The following MYNN variants were observed in gnomAD, a reference collection of about 807,000 sequenced individuals.
MYNN encodes the protein myoneurin.
MYNN carries 22 observed loss-of-function variants against 57.2 expected under a neutral mutation model. That is an observed-to-expected ratio of 0.38 (90% CI 0.27 to 0.55). MYNN has a LOEUF of 0.55. Among genes scored for constraint, MYNN ranks in the 20% least tolerant of loss-of-function variants. MYNN has a pLI of 0.71. For synonymous variants in MYNN, 241 were observed against 257.1 expected (o/e 0.94, Z 0.60); for missense variants, 566 against 723.1 (o/e 0.78, Z 2.49).
rs775131902 is a variant in MYNN, at chr3:169,784,690, A to G, written c.1552A>G (p.Lys518Glu). The change falls in exon 7 of 8, where the codon AAA (lysine) becomes GAA (glutamate). Residue 518 changes from lysine to glutamate, a missense_variant. Physicochemically the swap from Lys to Glu is moderately conservative, Grantham distance 56. This residue lies in a region of MYNN where 156 missense variants were observed against 163.9 expected (regional missense o/e 0.95). Coordinates refer to ENST00000349841, the MANE Select transcript of MYNN (RefSeq NM_018657.5). ...AGATATTAAAAATTTAAAGAAGCAC[A>G]AAACAAAAGTCCATTCTGGTAAATG... ...YTDIKNLKKH[K>E]TKVHSGADKT... is the part of the protein sequence containing the mutation. 77 of 1,576,910 alleles carry G rather than the reference A, an allele frequency of 4.9e-5. 2 individuals are homozygous for G. The Admixed American group carries it at 1.4e-3, about 28-fold the overall frequency.
At chr3:169,778,495 A>C (rs1778413898) in intron 2 of MYNN, 1 of 278,670 alleles carries the variant, frequency 3.6e-6, no homozygotes, top group South Asian at 7.8e-5. Flanking sequence ...TTTAAAAAAA[A>C]AGCCAGAAAA....
At position 169,779,418 on chromosome 3, in the gene MYNN, CAT is replaced by C. The variant is rs1362503404; in HGVS notation, c.918_919del (p.Cys307TrpfsTer18). 5 of 1,614,034 alleles carry C rather than the reference CAT, an allele frequency of 3.1e-6. No individual in the cohort carries two copies. The highest frequency in any genetic ancestry group is 1.7e-5 in the Admixed American group (1 of 60,008). On this transcript the variant is annotated frameshift_variant, in exon 3 of 8. Transcript: ENST00000349841. LOFTEE classifies it high-confidence loss of function. Reference sequence around the variant, plus strand: ...TCCAAGGCCAAGCCAATGTGTAACACATGTGGGAAAGTGTTTTCAGAAGCCAG... The same window carrying C: ...TCCAAGGCCAAGCCAATGTGTAACACGTGGGAAAGTGTTTTCAGAAGCCAG...
chr3:169,773,514 G>A (rs1778236500), intron 1 of MYNN, 52 bp downstream of exon 1: 1 of 152,610 alleles, frequency 6.6e-6, no homozygotes, highest in Non-Finnish European at 1.5e-5. Flanking sequence ...CTAGAGCCTG[G>A]GCCATCAGAG....
chr3:169,786,903 C>T lies in MYNN; in HGVS notation c.*225C>T. ...TTTTTAAGTAATGAATTATGTAGCA[C>T]TATTTTGGGTGGATGAGTTTTATTT... is the stretch of plus-strand genomic sequence containing the variant. On this transcript the variant is annotated 3_prime_UTR_variant, in exon 8 of 8. Transcript: ENST00000349841. The T allele has an allele frequency of 2.1e-6, 1 of 465,444 alleles. No individual in the cohort carries two copies. The highest frequency in any genetic ancestry group is 3.3e-5 in the East Asian group (1 of 30,318). 28.8% of individuals were successfully genotyped at this position (465,444 alleles called of 1,614,324 possible). A position where few individuals can be genotyped will look rare whatever the true frequency, so the allele number is the denominator to read the frequency against.
Position 169,783,555 on chromosome 3 carries a change from A to G in MYNN, c.1478A>G (p.His493Arg). Residue 493 changes from histidine (H) to arginine (R), a missense_variant, in exon 6 of 8, where the codon CAT (histidine) becomes CGT (arginine). Transcript: ENST00000349841. ...GAGCTCAACAAACACTTTCGGTCCC[A>G]TACAGGTCTGTGTTTAGGGAGAACG... is the stretch of plus-strand genomic sequence containing the variant. ...SGELNKHFRS[H>R]TGERPFICEL... 1 of 1,605,666 alleles carries G rather than the reference A, an allele frequency of 6.2e-7. No individual in the cohort carries two copies. The highest frequency in any genetic ancestry group is 8.5e-7 in the Non-Finnish European group (1 of 1,173,308).
Position 169,782,668 on chromosome 3 carries a change from TTAAAA to T in MYNN, c.1399+30_1399+34del. 1.9e-6 allele frequency: 3 copies of T among 1,592,430 alleles called. No homozygotes were observed. The highest frequency in any genetic ancestry group is 2.6e-6 in the Non-Finnish European group (3 of 1,171,824). ...GGTAAGTTTGACAGGGAGAGACTGC[TTAAAA>T]TAAAGTTATAAATAAAAGAAAAAGG... is the stretch of plus-strand genomic sequence containing the variant. On this transcript the variant is annotated intron_variant, in intron 5 of 7. Transcript: ENST00000349841. The surrounding 1 kb of genome is among the most constrained non-coding windows in gnomAD (Gnocchi z 4.8).
At position 169,779,424 on chromosome 3, in the gene MYNN, G is replaced by C. The variant is rs760153992; in HGVS notation, c.923G>C (p.Gly308Ala). The change falls in exon 3 of 8, where the codon GGG becomes GCG. Residue 308 changes from glycine (G) to alanine (A), a missense_variant. This residue lies in a region of MYNN where 123 missense variants were observed against 222.6 expected (regional missense o/e 0.55). Coordinates refer to ENST00000349841, the MANE Select transcript of MYNN (RefSeq NM_018657.5). ...SKAKPMCNTC[G>A]KVFSEASSLR... Reference sequence around the variant, plus strand: ...GCCAAGCCAATGTGTAACACATGTGGGAAAGTGTTTTCAGAAGCCAGCAGT... The same window carrying C: ...GCCAAGCCAATGTGTAACACATGTGCGAAAGTGTTTTCAGAAGCCAGCAGT... 3.1e-6 allele frequency: 5 copies of C among 1,614,148 alleles called. No individual in the cohort carries two copies. The highest frequency in any genetic ancestry group is 4.2e-6 in the Non-Finnish European group (5 of 1,180,022).
chr3:169,779,464 G>A lies in MYNN; in HGVS notation c.963G>A (p.Met321Ile). 2 of 1,614,210 alleles carry A rather than the reference G, an allele frequency of 1.2e-6. No individual in the cohort carries two copies. Among genetic ancestry groups the A allele is most frequent in the Non-Finnish European group, 1.7e-6 (2 of 1,180,046 alleles). ...AAGCCAGCAGTTTGAGAAGGCACATGAGAATACATAAAGGAGTCAAACCTT... is the reference window on the plus strand; with the variant it reads ...AAGCCAGCAGTTTGAGAAGGCACATAAGAATACATAAAGGAGTCAAACCTT... ...FSEASSLRRH[M>I]RIHKGVKPYV... Residue 321 changes from methionine (M) to isoleucine (I), a missense_variant, in exon 3 of 8, where the codon ATG becomes ATA. Physicochemically the swap from Met to Ile is conservative, Grantham distance 10. This residue lies in a region of MYNN where 123 missense variants were observed against 222.6 expected (regional missense o/e 0.55). Coordinates refer to ENST00000349841, the MANE Select transcript of MYNN (RefSeq NM_018657.5).
intron 2 of MYNN, 175 bp from the exon 3 acceptor site, chr3:169,778,593 T>C: frequency 3.8e-6 from 2 of 520,100 alleles, no homozygotes; most frequent in Non-Finnish European, 6.5e-6. Flanking sequence ...AAATTGGAGA[T>C]TTTTTACCTA....
At chr3:169,778,041 C>CAGCATA (rs1778397995) in intron 2 of MYNN, 1 of 152,854 alleles carries the variant, frequency 6.5e-6, no homozygotes, top group Non-Finnish European at 1.5e-5. Context: ...CCAGCCTGGG[C>CAGCATA]AGCATAGCAA....
In MYNN at chr3:169,789,388, T is replaced by TG. The variant is rs1778760876; in HGVS notation, c.*2710_*2711insG. Reference sequence around the variant, plus strand: ...AAATAGTTCTAACATTTAATGCATATCAGAAACATGCTTAAGAAATAACAA... The same window carrying TG: ...AAATAGTTCTAACATTTAATGCATATGCAGAAACATGCTTAAGAAATAACAA... On this transcript the variant is annotated 3_prime_UTR_variant, in exon 8 of 8. Transcript: ENST00000349841. 2.0e-5 allele frequency: 3 copies of TG among 152,186 alleles called. No homozygotes were observed. In the South Asian group the frequency reaches 6.2e-4, roughly 32 times the overall value. The allele number at this position is 152,186 out of a possible 1,614,324, so 9.4% of individuals were successfully genotyped here. A position where few individuals can be genotyped will look rare whatever the true frequency, so the allele number is the denominator to read the frequency against.
At chr3:169,778,488 A>T (rs945052012) in intron 2 of MYNN, 9 of 222,624 alleles carry the variant, frequency 4.0e-5, no homozygotes, top group African/African-American at 5.7e-5. Context: ...CTAGGGTTTT[A>T]AAAAAAAAGC....
rs1238222961 is a variant in MYNN, at chr3:169,779,130, A to C, written c.629A>C (p.Glu210Ala). Reference protein sequence around the residue: ...PSDILENASVELFLDANKLPT... With the variant: ...PSDILENASVALFLDANKLPT... ...GACATCTTAGAGAATGCATCTGTTGAATTATTCCTAGATGCAAATAAACTG... is the reference window on the plus strand; with the variant it reads ...GACATCTTAGAGAATGCATCTGTTGCATTATTCCTAGATGCAAATAAACTG... The change falls in exon 3 of 8, where the codon GAA (glutamate) becomes GCA (alanine). Residue 210 changes from glutamate (E) to alanine (A), a missense_variant. Around this residue, in one of 4 missense-constraint regions of MYNN, gnomAD observed 261 missense variants for 280.8 expected, o/e 0.93. Transcript: ENST00000349841. 7 of 1,614,208 alleles carry C rather than the reference A, an allele frequency of 4.3e-6. No homozygotes were observed. Among genetic ancestry groups the C allele is most frequent in the East Asian group, 2.2e-5 (1 of 44,894 alleles).
chr3:169,783,660 C>A, intron 6 of MYNN, 100 bp downstream of exon 6: 1 of 801,152 alleles, frequency 1.2e-6, no homozygotes, highest in South Asian at 1.4e-5. Context: ...GGTATTTAGT[C>A]ATACTGTACC....
Position 169,787,816 on chromosome 3 carries a change from G to A in MYNN, c.*1138G>A, listed in dbSNP as rs896331629. On this transcript the variant is annotated 3_prime_UTR_variant, in exon 8 of 8. Transcript: ENST00000349841. The stretch of plus-strand genomic sequence containing the variant: ...CCTTCCAAATGAATGTAGAAAATTC[G>A]TTATTATCCTGATATTTGCACCACT... The A allele has an allele frequency of 3.9e-5, 6 of 152,022 alleles. No individual in the cohort carries two copies. The highest frequency in any genetic ancestry group is 7.2e-5 in the African/African-American group (3 of 41,490). The allele number at this position is 152,022 out of a possible 1,614,324, so 9.4% of individuals were successfully genotyped here.
At position 169,774,516 on chromosome 3, in the gene MYNN, A is replaced by G. The variant is rs147694345; in HGVS notation, c.221A>G (p.Gln74Arg). ...DQSQVKADGF[Q>R]KLLEFIYTGT... is the part of the protein sequence containing the mutation. ...AGTCAGGTGAAGGCTGATGGATTTC[A>G]GAAACTGTTGGAGTTTATATACACA... is the stretch of plus-strand genomic sequence containing the variant. Residue 74 changes from glutamine (Q) to arginine (R), a missense_variant, in exon 2 of 8, where the codon CAG (glutamine) becomes CGG (arginine). Coordinates refer to ENST00000349841, the MANE Select transcript of MYNN (RefSeq NM_018657.5). 7.9e-5 allele frequency: 128 copies of G among 1,614,100 alleles called. No individual in the cohort carries two copies. The African/African-American group carries it at 1.5e-3, about 19-fold the overall frequency.
chr3:169,785,774 T>C (rs1320586585), intron 7 of MYNN, among the ~76,000 whole-genome samples: 1 of 152,040 alleles, frequency 6.6e-6, no homozygotes, highest in Non-Finnish European at 1.5e-5. Context: ...GAAACCAAAA[T>C]CATGTCAACA....
intron 2 of MYNN, chr3:169,777,287 CTAGT>C: frequency 6.6e-6 from 1 of 152,256 alleles, no homozygotes; most frequent in Non-Finnish European, 1.5e-5. Flanking sequence ...GTTCATGACA[CTAGT>C]TATTTTTTAT....
At position 169,786,562 on chromosome 3, in the gene MYNN, C is replaced by T. The variant is rs1287155056; in HGVS notation, c.1717C>T (p.His573Tyr). ...AGCTCTTCCACTTGGGACTGAGGACCATCACATGCTTCTGCCTGTCACGGA... is the reference window on the plus strand; with the variant it reads ...AGCTCTTCCACTTGGGACTGAGGACTATCACATGCTTCTGCCTGTCACGGA... ...PLALPLGTED[H>Y]HMLLPVTDTQ... is the part of the protein sequence containing the mutation. The change falls in exon 8 of 8, where the codon CAT becomes TAT. Residue 573 changes from histidine (H) to tyrosine (Y), a missense_variant. By Grantham distance (83) the His-to-Tyr change is moderately conservative. Around this residue, in one of 4 missense-constraint regions of MYNN, gnomAD observed 156 missense variants for 163.9 expected, o/e 0.95. Transcript: ENST00000349841. The T allele has an allele frequency of 6.2e-6, 10 of 1,613,578 alleles. No homozygotes were observed. The highest frequency in any genetic ancestry group is 8.5e-6 in the Non-Finnish European group (10 of 1,179,680).
Sources: allele counts gnomAD v4.1 joint callset (sites outside exome capture counted in the v4.1 genomes callset), GRCh38; gene constraint gnomAD v4.1.1; regional missense constraint gnomAD v4.1.1; non-coding constraint Gnocchi (gnomAD v3.1); transcripts MANE v1.5; gene names NCBI Gene and HGNC (gene_info 2026-07-23, HGNC 2026-07-21).